Variants in MARVELD2 observed in about 807,000 individuals in gnomAD.
MARVELD2 encodes MARVEL domain-containing protein 2.
A neutral mutation model predicts 57.6 loss-of-function variants in MARVELD2; 49 were observed. That is an observed-to-expected ratio of 0.85 (90% CI 0.68 to 1.08). MARVELD2 has a LOEUF of 1.08. MARVELD2 is among the 50% of genes least tolerant of loss of function. The pLI, the probability that MARVELD2 is intolerant of heterozygous loss-of-function variation, is 0.00. For missense variants in MARVELD2, 606 were observed against 701.1 expected (o/e 0.86, Z 1.53); for synonymous variants, 238 against 258.8 (o/e 0.92, Z 0.77).
chr5:69,426,622 C>T (rs1308931363), intron 3 of MARVELD2, among the ~76,000 whole-genome samples: 1 of 152,010 alleles, frequency 6.6e-6, no homozygotes, highest in African/African-American at 2.4e-5. Flanking sequence ...CGTGAGTCAC[C>T]GCGCCCGGCC....
Position 69,419,838 on chromosome 5 carries a change from C to A in MARVELD2, c.453C>A (p.Asp151Glu). ...EGTFSSRKEA[D>E]AVFPRDPYGS... The stretch of plus-strand genomic sequence containing the variant: ...CCTTTAGTTCCCGGAAAGAGGCTGA[C>A]GCAGTGTTTCCCCGGGATCCCTATG... Residue 151 changes from aspartate to glutamate, a missense_variant, in exon 2 of 7, where the codon GAC becomes GAA. Coordinates refer to ENST00000325631, the MANE Select transcript of MARVELD2 (RefSeq NM_001038603.3). The A allele has an allele frequency of 6.2e-7, 1 of 1,614,174 alleles. No homozygotes were observed. Among genetic ancestry groups the A allele is most frequent in the African/African-American group, 1.3e-5 (1 of 75,050 alleles).
At position 69,431,201 on chromosome 5, in the gene MARVELD2, G is replaced by A. The variant is rs192920740; in HGVS notation, c.1183-1326G>A. Reference sequence around the variant, plus strand: ...GTGATCTTGGCTCACTGCAAGCTCCGCCTCCTGGGTTCACACCATTGTCCT... The same window carrying A: ...GTGATCTTGGCTCACTGCAAGCTCCACCTCCTGGGTTCACACCATTGTCCT... On this transcript the variant is annotated intron_variant, in intron 3 of 6. Coordinates refer to ENST00000325631, the MANE Select transcript of MARVELD2 (RefSeq NM_001038603.3). Among the ~76,000 whole-genome samples, 362 of 150,400 alleles carry A rather than the reference G, an allele frequency of 2.4e-3. 3 individuals carry two copies. The highest frequency in any genetic ancestry group is 0.017 in the Middle Eastern group (5 of 294).
rs770894315 is a variant in MARVELD2 at position 69,420,219 on chromosome 5, T to C, written c.834T>C (p.Tyr278=). The C allele has an allele frequency of 1.2e-5, 19 of 1,614,102 alleles. No homozygotes were observed. The Admixed American group carries it at 3.0e-4, about 25-fold the overall frequency. The stretch of plus-strand genomic sequence containing the variant: ...TTCTGGTTCTTGGCATGTCCATGTA[T>C]TACCGGACCATTCTTCTGGACTCTA... The part of the protein sequence containing the change: ...IIILVLGMSM[Y]YRTILLDSNW... The change falls in exon 2 of 7, where the codon TAT becomes TAC. Residue 278 remains tyrosine (Y), a synonymous_variant. Coordinates refer to ENST00000325631, the MANE Select transcript of MARVELD2 (RefSeq NM_001038603.3).
At position 69,424,592 on chromosome 5, in the gene MARVELD2, T is replaced by A. The variant is rs299099; in HGVS notation, c.1147-9T>A. The A allele has an allele frequency of 9.4e-6, 15 of 1,599,260 alleles. No individual in the cohort carries two copies. The highest frequency in any genetic ancestry group is 1.3e-5 in the Non-Finnish European group (15 of 1,166,436). On this transcript the variant is annotated splice_polypyrimidine_tract_variant and intron_variant, in intron 2 of 6. Coordinates refer to ENST00000325631, the MANE Select transcript of MARVELD2 (RefSeq NM_001038603.3). ...CTTTGAAAAACTATTTGAACTCTTT[T>A]TGTTCCAGATAAATGAGCCATCATT...
intron 2 of MARVELD2, among the ~76,000 whole-genome samples, chr5:69,424,331 G>T (rs1766715602): frequency 1.3e-5 from 2 of 152,118 alleles, no homozygotes; most frequent in South Asian, 2.1e-4. Flanking sequence ...AAATTTGAGG[G>T]TAATTCAGAG....
intron 3 of MARVELD2, among the ~76,000 whole-genome samples, chr5:69,431,072 C>T (rs1020950536): frequency 6.6e-6 from 1 of 151,052 alleles, no homozygotes. Context: ...TAGGCTTACA[C>T]GTGTAAGCCC....
chr5:69,436,104 T>G (rs1159262298), intron 5 of MARVELD2, among the ~76,000 whole-genome samples: 1 of 152,176 alleles, frequency 6.6e-6, no homozygotes, highest in Non-Finnish European at 1.5e-5. Flanking sequence ...TTACGAATAA[T>G]GCTGGTATAA....
intron 5 of MARVELD2, among the ~76,000 whole-genome samples, chr5:69,433,981 AAGAT>A (rs1429885982): frequency 6.6e-6 from 1 of 151,822 alleles, no homozygotes; most frequent in Non-Finnish European, 1.5e-5. Flanking sequence ...GAATTTGCCT[AAGAT>A]AGATACTGAG....
chr5:69,432,632 C>T lies in MARVELD2; in HGVS notation c.1288C>T (p.Pro430Ser). 5.6e-6 allele frequency: 9 copies of T among 1,614,152 alleles called. No homozygotes were observed. The highest frequency in any genetic ancestry group is 7.6e-6 in the Non-Finnish European group (9 of 1,180,018). Residue 430 changes from proline (P) to serine (S), a missense_variant, in exon 4 of 7, where the codon CCA (proline) becomes TCA (serine). By Grantham distance (74) the Pro-to-Ser change is moderately conservative. Coordinates refer to ENST00000325631, the MANE Select transcript of MARVELD2 (RefSeq NM_001038603.3). ...TGAACTACTGAGTGGACACATCCCC[C>T]CAGGCCACATTCCTAAACCTATCGT... ...KPELLSGHIP[P>S]GHIPKPIVMP...
At chr5:69,423,021 C>T (rs1021224478) in intron 2 of MARVELD2, among the ~76,000 whole-genome samples, 1 of 152,186 alleles carries the variant, frequency 6.6e-6, no homozygotes, top group Admixed American at 6.5e-5. Context: ...CCTCAGCCCC[C>T]CTAGTAGCTG....
intron 2 of MARVELD2, among the ~76,000 whole-genome samples, chr5:69,423,872 GT>G (rs962325649): frequency 9.9e-5 from 15 of 151,946 alleles, no homozygotes; most frequent in Admixed American, 7.9e-4. Context: ...TTACATTTTT[GT>G]TTTTTTATGT....
rs1766540911 is a variant in MARVELD2 at position 69,419,611 on chromosome 5, A to G, written c.226A>G (p.Lys76Glu). ...AGAACCAGCTATAGCGCCAGATCTC[A>G]AACCAGTAAGGCGCTTTGTCCCTGA... ...TEEPAIAPDL[K>E]PVRRFVPDSW... The change falls in exon 2 of 7, where the codon AAA becomes GAA. Residue 76 changes from lysine to glutamate, a missense_variant. Lys to Glu is a moderately conservative substitution (Grantham distance 56). Transcript: ENST00000325631. The G allele has an allele frequency of 1.9e-6, 3 of 1,614,084 alleles. No homozygotes were observed. Among genetic ancestry groups the G allele is most frequent in the Non-Finnish European group, 2.5e-6 (3 of 1,179,988 alleles).
intron 5 of MARVELD2, among the ~76,000 whole-genome samples, chr5:69,436,446 CACACACAT>C (rs775328359): frequency 0.013 from 1,824 of 140,364 alleles, 18 homozygotes; most frequent in South Asian, 0.047. Context: ...CACACACACA[CACACACAT>C]ATATATAAAT....
At position 69,419,915 on chromosome 5, in the gene MARVELD2, A is replaced by G. The variant is rs751398198; in HGVS notation, c.530A>G (p.Glu177Gly). Reference protein sequence around the residue: ...QTVRTYSEKVEEYNLRYSYMK... With the variant: ...QTVRTYSEKVGEYNLRYSYMK... ...GTTCGAACATACAGTGAGAAGGTGG[A>G]GGAGTATAACCTGAGATACTCCTAC... is the stretch of plus-strand genomic sequence containing the variant. Residue 177 changes from glutamate to glycine, a missense_variant, in exon 2 of 7, where the codon GAG becomes GGG. Physicochemically the swap from Glu to Gly is moderately conservative, Grantham distance 98. Transcript: ENST00000325631. The G allele has an allele frequency of 1.6e-5, 26 of 1,614,042 alleles. No homozygotes were observed. The East Asian group carries it at 5.1e-4, about 32-fold the overall frequency.
chr5:69,419,724 G>C lies in MARVELD2; in HGVS notation c.339G>C (p.Val113=). The change falls in exon 2 of 7, where the codon GTG becomes GTC. Residue 113 remains valine, a synonymous_variant. Coordinates refer to ENST00000325631, the MANE Select transcript of MARVELD2 (RefSeq NM_001038603.3). ...VSDIRYISDG[V]ECSPPASPAR... is the part of the protein sequence containing the mutation. ...ATATCAGGTACATCTCCGATGGAGT[G>C]GAGTGTTCACCACCAGCCTCTCCAG... 1 of 1,614,104 alleles carries C rather than the reference G, an allele frequency of 6.2e-7. No homozygotes were observed. The highest frequency in any genetic ancestry group is 8.5e-7 in the Non-Finnish European group (1 of 1,180,038).
rs1767401371 is a variant in MARVELD2, at chr5:69,444,029, A to G, written c.*2375A>G. ...TGCTTTAAAAAAAAAAAAAGGTAAA[A>G]TATTACCATTTTGATAGACTGTAAA... On this transcript the variant is annotated 3_prime_UTR_variant, in exon 7 of 7. Coordinates refer to ENST00000325631, the MANE Select transcript of MARVELD2 (RefSeq NM_001038603.3). 1.3e-5 allele frequency: 2 copies of G among 151,062 alleles called. No individual in the cohort carries two copies. Among genetic ancestry groups the G allele is most frequent in the South Asian group, 4.2e-4 (2 of 4,802 alleles). 9.4% of individuals were successfully genotyped at this position (151,062 alleles called of 1,614,324 possible). A position where few individuals can be genotyped will look rare whatever the true frequency, so the allele number is the denominator to read the frequency against.
At position 69,437,412 on chromosome 5, in the gene MARVELD2, C is replaced by T. The variant is rs534105026; in HGVS notation, c.1504-3038C>T. ...AAAAAAAAAAAAAAAAAGCTGGGTG[C>T]GGTGGCTCACACCTGTAATCCCAGC... is the stretch of plus-strand genomic sequence containing the variant. On this transcript the variant is annotated intron_variant, in intron 5 of 6. Coordinates refer to ENST00000325631, the MANE Select transcript of MARVELD2 (RefSeq NM_001038603.3). Among the ~76,000 whole-genome samples, 419 of 137,740 alleles carry T rather than the reference C, an allele frequency of 3.0e-3. 2 individuals are homozygous for T. Among genetic ancestry groups the T allele is most frequent in the African/African-American group, 0.011 (393 of 36,948 alleles). The allele number at this position is 137,740 out of a possible 152,430, so 90.4% of individuals were successfully genotyped here. A position where few individuals can be genotyped will look rare whatever the true frequency, so the allele number is the denominator to read the frequency against.
At position 69,419,788 on chromosome 5, in the gene MARVELD2, G is replaced by C; in HGVS notation, c.403G>C (p.Asp135His). The C allele has an allele frequency of 6.2e-7, 1 of 1,614,212 alleles. No homozygotes were observed. The highest frequency in any genetic ancestry group is 8.5e-7 in the Non-Finnish European group (1 of 1,180,040). Residue 135 changes from aspartate (D) to histidine (H), a missense_variant, in exon 2 of 7, where the codon GAT (aspartate) becomes CAT (histidine). By Grantham distance (81) the Asp-to-His change is moderately conservative. Transcript: ENST00000325631. ...NHRSPLNSCK[D>H]PYGGSEGTFS... Reference sequence around the variant, plus strand: ...CCGTTCGCCCCTCAACTCCTGCAAAGATCCCTACGGAGGGTCAGAAGGAAC... The same window carrying C: ...CCGTTCGCCCCTCAACTCCTGCAAACATCCCTACGGAGGGTCAGAAGGAAC...
Position 69,420,010 on chromosome 5 carries a change from G to C in MARVELD2, c.625G>C (p.Ala209Pro). Residue 209 changes from alanine (A) to proline (P), a missense_variant, in exon 2 of 7, where the codon GCT (alanine) becomes CCT (proline). Transcript: ENST00000325631. ...VELLLGAGVF[A>P]CVTAYIHKDS... The stretch of plus-strand genomic sequence containing the variant: ...GCTGCTTTTGGGGGCCGGTGTCTTT[G>C]CTTGTGTCACAGCTTACATTCACAA... 1 of 1,614,144 alleles carries C rather than the reference G, an allele frequency of 6.2e-7. No homozygotes were observed. Among genetic ancestry groups the C allele is most frequent in the Non-Finnish European group, 8.5e-7 (1 of 1,180,022 alleles).
Sources: gnomAD v4.1 joint callset for allele counts (sites outside exome capture counted in the v4.1 genomes callset) on GRCh38, gnomAD v4.1.1 for gene constraint, MANE v1.5 for transcripts, NCBI Gene and HGNC (gene_info 2026-07-23, HGNC 2026-07-21) for gene names.